ANKFN1: variants seen among roughly 807,000 people sequenced by gnomAD.
The protein encoded by ANKFN1 is ankyrin repeat and fibronectin type-III domain-containing protein 1.
Under a neutral mutation model 108.7 loss-of-function variants are expected in ANKFN1, and 74 were observed. The observed-to-expected ratio is 0.68, with a 90% confidence interval of 0.56 to 0.83. ANKFN1 has a LOEUF of 0.83. ANKFN1 is among the 40% of genes least tolerant of loss of function. The pLI is 0.00. For missense variants in ANKFN1, 1,505 were observed against 1,382.3 expected (o/e 1.09, Z -1.41); for synonymous variants, 547 against 516.2 (o/e 1.06, Z -0.81).
chr17:56,310,476 A>T (rs1010321659), intron 3 of ANKFN1, among the ~76,000 whole-genome samples: 1 of 151,922 alleles, frequency 6.6e-6, no homozygotes, highest in African/African-American at 2.4e-5. Flanking sequence ...AATTAGCCAG[A>T]TGTGGTGGCA....
At chr17:56,056,979 G>T (rs1904891550) in intron 4 of ANKFN1, among the ~76,000 whole-genome samples, 1 of 152,216 alleles carries the variant, frequency 6.6e-6, no homozygotes, top group African/African-American at 2.4e-5. Context: ...CCCTGCTACT[G>T]CTTTATCAAC....
At chr17:56,293,135 A>G (rs887618581) in intron 3 of ANKFN1, among the ~76,000 whole-genome samples, 1 of 152,230 alleles carries the variant, frequency 6.6e-6, no homozygotes, top group African/African-American at 2.4e-5. Context: ...TATAGGAGAC[A>G]AAGTCCATAA....
At chr17:56,321,083 T>G (rs1309063904) in intron 3 of ANKFN1, among the ~76,000 whole-genome samples, 1 of 144,970 alleles carries the variant, frequency 6.9e-6, no homozygotes, top group Admixed American at 6.9e-5. Flanking sequence ...AAAAAAAAAG[T>G]CTGCTTTGGA....
chr17:56,414,402 G>A (rs965131793), intron 8 of ANKFN1, among the ~76,000 whole-genome samples: 1 of 152,146 alleles, frequency 6.6e-6, no homozygotes, highest in African/African-American at 2.4e-5. Context: ...TACAAGGCTA[G>A]TATTACACTT....
chr17:56,374,053 C>T (rs2046881455), intron 7 of ANKFN1, among the ~76,000 whole-genome samples: 1 of 152,156 alleles, frequency 6.6e-6, no homozygotes, highest in South Asian at 2.1e-4. Context: ...AGTTAGAATT[C>T]TATCAATACT....
rs867020200 is a variant in ANKFN1, at chr17:56,360,711, A to G, written c.601+6665A>G. Among the ~76,000 whole-genome samples, 2 of 152,210 alleles carry G rather than the reference A, an allele frequency of 1.3e-5. 1 individual carries two copies. The highest frequency in any genetic ancestry group is 2.9e-5 in the Non-Finnish European group (2 of 68,036). On this transcript the variant is annotated intron_variant, in intron 6 of 20. Coordinates refer to ENST00000682825, the MANE Select transcript of ANKFN1 (RefSeq NM_001370326.1). The stretch of plus-strand genomic sequence containing the variant: ...CTCATTGATCTTTTTTATGTTTTCA[A>G]ATAATTATTTAAACATCAGATGGCC...
At chr17:56,158,668 G>C (rs1051546292) in intron 1 of ANKFN1, among the ~76,000 whole-genome samples, 3 of 152,186 alleles carry the variant, frequency 2.0e-5, no homozygotes, top group African/African-American at 7.2e-5. Context: ...TGTGGGGAGG[G>C]AGGGGATGTT....
intron 4 of ANKFN1, among the ~76,000 whole-genome samples, chr17:56,338,356 A>G (rs1166991127): frequency 6.6e-6 from 1 of 152,096 alleles, no homozygotes; most frequent in Non-Finnish European, 1.5e-5. Context: ...AATGTAAATG[A>G]TGAGTTAATG....
intron 4 of ANKFN1, among the ~76,000 whole-genome samples, chr17:56,333,270 T>A (rs1414977232): frequency 3.3e-5 from 5 of 152,142 alleles, no homozygotes; most frequent in African/African-American, 1.2e-4. Flanking sequence ...TAGTCTTTAC[T>A]CATTAAGTAT....
At chr17:56,046,556 CCTT>C (rs1044613465) in intron 4 of ANKFN1, among the ~76,000 whole-genome samples, 3 of 151,228 alleles carry the variant, frequency 2.0e-5, no homozygotes, top group Non-Finnish European at 3.0e-5. Context: ...TCTTTTTTTT[CCTT>C]CTTCTTCAGT....
At chr17:56,384,466 G>A (rs2047201889) in intron 8 of ANKFN1, among the ~76,000 whole-genome samples, 1 of 152,174 alleles carries the variant, frequency 6.6e-6, no homozygotes, top group African/African-American at 2.4e-5. Flanking sequence ...AGTGTTGGAA[G>A]TTCTGGCCAG....
At chr17:56,077,638 C>T (rs1905196674) in intron 4 of ANKFN1, among the ~76,000 whole-genome samples, 1 of 152,218 alleles carries the variant, frequency 6.6e-6, no homozygotes, top group South Asian at 2.1e-4. Context: ...CCTTCTCTGG[C>T]CAACTCATTG....
intron 19 of ANKFN1, among the ~76,000 whole-genome samples, chr17:56,495,245 C>T (rs569573245): frequency 8.7e-4 from 132 of 152,152 alleles, no homozygotes; most frequent in Non-Finnish European, 1.6e-3. Context: ...CCTTGCTTCT[C>T]CCAACATGGA....
At chr17:56,466,705 C>A (rs1365111821) in intron 15 of ANKFN1, 134 bp downstream of exon 15, 21 of 722,794 alleles carry the variant, frequency 2.9e-5, no homozygotes, top group Non-Finnish European at 4.5e-5. Flanking sequence ...TATGTTGTTG[C>A]AAATGCAGAA....
chr17:56,071,360 C>G (rs1322853230), intron 4 of ANKFN1, among the ~76,000 whole-genome samples: 1 of 152,190 alleles, frequency 6.6e-6, no homozygotes, highest in Non-Finnish European at 1.5e-5. Context: ...GTGATTCCCT[C>G]TGCAATGACT....
intron 3 of ANKFN1, among the ~76,000 whole-genome samples, chr17:56,231,862 T>C (rs903242272): frequency 6.6e-6 from 1 of 152,196 alleles, no homozygotes; most frequent in Non-Finnish European, 1.5e-5. Context: ...AACTTTAATT[T>C]TGGAAGATGC....
At chr17:56,366,230 CTGTT>C (rs1436382643) in intron 6 of ANKFN1, among the ~76,000 whole-genome samples, 6 of 151,876 alleles carry the variant, frequency 4.0e-5, no homozygotes, top group African/African-American at 1.5e-4. Context: ...TACAGTGGTA[CTGTT>C]TGTTTGTGTT....
chr17:56,421,041 C>T (rs951982025), intron 8 of ANKFN1, among the ~76,000 whole-genome samples: 1 of 152,040 alleles, frequency 6.6e-6, no homozygotes, highest in African/African-American at 2.4e-5. Flanking sequence ...TATTTGTGTG[C>T]TGGGGGGCGG....
chr17:56,105,140 A>G (rs559140190), intron 4 of ANKFN1, among the ~76,000 whole-genome samples: 56 of 152,276 alleles, frequency 3.7e-4, no homozygotes, highest in African/African-American at 1.3e-3. Flanking sequence ...AGGTAGATGA[A>G]CCTGGGTAGC....
Sources: allele counts gnomAD v4.1 joint callset (sites outside exome capture counted in the v4.1 genomes callset), GRCh38; gene constraint gnomAD v4.1.1; transcripts MANE v1.5; gene names NCBI Gene and HGNC (gene_info 2026-07-23, HGNC 2026-07-21).